Variants in ZCCHC2 observed in about 807,000 individuals in gnomAD.
ZCCHC2 encodes the protein zinc finger CCHC-type containing 2.
In ZCCHC2, 39 loss-of-function variants were observed where a neutral mutation model predicts 103.6. The ratio of observed to expected loss-of-function variants is 0.38; its 90% CI spans 0.29 to 0.49. The LOEUF (loss-of-function observed/expected upper bound fraction) is 0.49, where lower values mean the gene tolerates loss of function less well. ZCCHC2 is among the 20% of genes least tolerant of loss of function. ZCCHC2 has a pLI of 0.96. For synonymous variants in ZCCHC2, 687 were observed against 608.9 expected (o/e 1.13, Z -1.89); for missense variants, 1,483 against 1,491.0 (o/e 0.99, Z 0.09).
chr18:62,546,868 A>G (rs962531549), intron 4 of ZCCHC2, among the ~76,000 whole-genome samples: 1 of 152,230 alleles, frequency 6.6e-6, no homozygotes, highest in Non-Finnish European at 1.5e-5. Context: ...CTGCTTAGCC[A>G]GTATTTGGAT....
At chr18:62,550,817 G>A (rs528437277) in intron 5 of ZCCHC2, among the ~76,000 whole-genome samples, 1 of 152,238 alleles carries the variant, frequency 6.6e-6, no homozygotes, top group African/African-American at 2.4e-5. Context: ...GCCTGGGCTG[G>A]TGGGTGGGAG....
intron 1 of ZCCHC2, among the ~76,000 whole-genome samples, chr18:62,529,236 C>T (rs541553279): frequency 4.6e-5 from 7 of 151,268 alleles, no homozygotes; most frequent in African/African-American, 1.7e-4. Context: ...TAATAAATAC[C>T]TTTATTTAAC....
intron 1 of ZCCHC2, among the ~76,000 whole-genome samples, chr18:62,536,557 C>T (rs1914935029): frequency 1.3e-5 from 2 of 152,122 alleles, no homozygotes. Flanking sequence ...TTTTATGCTA[C>T]CCATCCCCCT....
intron 14 of ZCCHC2, among the ~76,000 whole-genome samples, chr18:62,583,712 T>C (rs1353637625): frequency 6.6e-6 from 1 of 151,476 alleles, no homozygotes. Flanking sequence ...GGAGGGCTCA[T>C]TGATTTCCAG....
intron 1 of ZCCHC2, among the ~76,000 whole-genome samples, chr18:62,528,096 C>T (rs1258482229): frequency 6.6e-6 from 1 of 152,102 alleles, no homozygotes; most frequent in Admixed American, 6.5e-5. Flanking sequence ...GATTGTGTCA[C>T]CAAGATCTTC....
intron 12 of ZCCHC2, among the ~76,000 whole-genome samples, chr18:62,571,114 C>T (rs1916583574): frequency 6.6e-6 from 1 of 152,210 alleles, no homozygotes; most frequent in Non-Finnish European, 1.5e-5. Flanking sequence ...GTAATGCCAC[C>T]TTGGGCGGCT....
rs774364545 is a variant in ZCCHC2, at chr18:62,542,591, A to C, written c.1128+17A>C. 5 of 1,551,476 alleles carry C rather than the reference A, an allele frequency of 3.2e-6. No individual in the cohort carries two copies. Among genetic ancestry groups the C allele is most frequent in the Non-Finnish European group, 3.5e-6 (4 of 1,145,070 alleles). ...ACTTTCAAAGTAAGCCATTTTCCCC[A>C]CAAAAGATACCTCACGTGCTGTGCT... On this transcript the variant is annotated intron_variant, in intron 3 of 13. Transcript: ENST00000269499.
At chr18:62,578,882 C>T (rs546480052), downstream of ZCCHC2, among the ~76,000 whole-genome samples, 251 of 152,310 alleles carry the variant, frequency 1.6e-3, 1 homozygote, top group African/African-American at 5.7e-3. Context: ...ATTCTCCTGC[C>T]TCCGCCTCCT....
rs1400871133 is a variant in ZCCHC2 at position 62,575,477 on chromosome 18, A to T, written c.3396A>T (p.Ser1132=). 6.2e-7 allele frequency: 1 copy of T among 1,613,548 alleles called. No individual in the cohort carries two copies. Residue 1132 remains serine, a synonymous_variant, in exon 13 of 14, where the codon TCA becomes TCT. Transcript: ENST00000269499. The stretch of plus-strand genomic sequence containing the variant: ...GGCCCAAGAAGAATGGGAATGTCTC[A>T]TGTTACAATTGTGGTGTAAGCGGAC... The part of the protein sequence containing the change: ...GSGPKKNGNV[S]CYNCGVSGHY...
At chr18:62,548,847 C>T (rs1915532300) in intron 4 of ZCCHC2, among the ~76,000 whole-genome samples, 1 of 152,142 alleles carries the variant, frequency 6.6e-6, no homozygotes, top group Non-Finnish European at 1.5e-5. Context: ...ATCCCTTGAA[C>T]CCAGAAGGCA....
chr18:62,535,141 C>T (rs143094974), intron 1 of ZCCHC2, among the ~76,000 whole-genome samples: 5 of 152,300 alleles, frequency 3.3e-5, no homozygotes, highest in African/African-American at 1.2e-4. Flanking sequence ...ACAGCGAAGG[C>T]AGAGTCAGAT....
intron 2 of ZCCHC2, 71 bp downstream of exon 2, chr18:62,539,863 T>A (rs1033922053): frequency 2.4e-6 from 3 of 1,256,510 alleles, no homozygotes; most frequent in Non-Finnish European, 3.4e-6. Context: ...TTACGCTGAT[T>A]AACTCTAAAC....
At chr18:62,556,095 C>A in intron 5 of ZCCHC2, 108 bp from the exon 6 acceptor site, 1 of 764,456 alleles carries the variant, frequency 1.3e-6, no homozygotes, top group Non-Finnish European at 2.1e-6. Flanking sequence ...AAATATTTTT[C>A]CATACCTGAA....
At chr18:62,561,842 T>G (rs1186809192) in intron 8 of ZCCHC2, among the ~76,000 whole-genome samples, 1 of 152,254 alleles carries the variant, frequency 6.6e-6, no homozygotes, top group Non-Finnish European at 1.5e-5. Flanking sequence ...TTCCTTTGCA[T>G]GAATTCTTGA....
intron 4 of ZCCHC2, among the ~76,000 whole-genome samples, chr18:62,546,777 C>T (rs757927907): frequency 6.6e-6 from 1 of 152,254 alleles, no homozygotes; most frequent in Non-Finnish European, 1.5e-5. Flanking sequence ...CCCATTTTTT[C>T]GAAAAGCTTA....
Position 62,539,724 on chromosome 18 carries a change from G to A in ZCCHC2, c.983G>A (p.Ser328Asn). The change falls in exon 2 of 14, where the codon AGC becomes AAC. Residue 328 changes from serine to asparagine, a missense_variant. This residue lies in a region of ZCCHC2 where 568 missense variants were observed against 525.1 expected (regional missense o/e 1.08). Coordinates refer to ENST00000269499, the MANE Select transcript of ZCCHC2 (RefSeq NM_017742.6). ...HGDYMQNNES[S>N]LIEQAPIPQD... is the part of the protein sequence containing the mutation. ...GATTACATGCAAAATAACGAGAGCAGCTTAATAGAGCAAGCTCCAATACCT... is the reference window on the plus strand; with the variant it reads ...GATTACATGCAAAATAACGAGAGCAACTTAATAGAGCAAGCTCCAATACCT... 6.2e-7 allele frequency: 1 copy of A among 1,605,766 alleles called. No homozygotes were observed. Among genetic ancestry groups the A allele is most frequent in the Non-Finnish European group, 8.5e-7 (1 of 1,176,080 alleles).
At chr18:62,563,662 A>G (rs948104723) in intron 9 of ZCCHC2, among the ~76,000 whole-genome samples, 4 of 152,236 alleles carry the variant, frequency 2.6e-5, no homozygotes, top group African/African-American at 9.6e-5. Flanking sequence ...GTCTCTAAAA[A>G]ATAAATTTAA....
In ZCCHC2 at chr18:62,523,462, C is replaced by T. The variant is rs1322681716; in HGVS notation, c.38C>T (p.Pro13Leu). ...RMKLPLKPTH[P>L]AEPPPEAEEP... ...AAGCTGCCGCTGAAGCCAACGCACC[C>T]CGCGGAGCCGCCGCCCGAGGCGGAG... Residue 13 changes from proline to leucine, a missense_variant, in exon 1 of 14, where the codon CCC (proline) becomes CTC (leucine). Transcript: ENST00000269499. 2.7e-6 allele frequency: 3 copies of T among 1,097,320 alleles called. No homozygotes were observed. The highest frequency in any genetic ancestry group is 3.4e-6 in the Non-Finnish European group (3 of 889,634). The allele number at this position is 1,097,320 out of a possible 1,614,324, so 68.0% of individuals were successfully genotyped here.
chr18:62,556,239 A>C lies in ZCCHC2; in HGVS notation c.1350A>C (p.Gln450His). Residue 450 changes from glutamine to histidine, a missense_variant, in exon 6 of 14, where the codon CAA (glutamine) becomes CAC (histidine). Physicochemically the swap from Gln to His is conservative, Grantham distance 24. Around this residue, in one of 3 missense-constraint regions of ZCCHC2, gnomAD observed 884 missense variants for 907.5 expected, o/e 0.97. Coordinates refer to ENST00000269499, the MANE Select transcript of ZCCHC2 (RefSeq NM_017742.6). ...CAAGTTCATCACAAGCTTTTCTACAAAGTCAGAAAGTACACAGCTTCTTTC... is the reference window on the plus strand; with the variant it reads ...CAAGTTCATCACAAGCTTTTCTACACAGTCAGAAAGTACACAGCTTCTTTC... Reference protein sequence around the residue: ...LFSSSSQAFLQSQKVHSFFQS... With the variant: ...LFSSSSQAFLHSQKVHSFFQS... 2 of 1,606,084 alleles carry C rather than the reference A, an allele frequency of 1.2e-6. No individual in the cohort carries two copies. Among genetic ancestry groups the C allele is most frequent in the South Asian group, 1.1e-5 (1 of 89,082 alleles).
Sources: allele counts gnomAD v4.1 joint callset (sites outside exome capture counted in the v4.1 genomes callset), GRCh38; gene constraint gnomAD v4.1.1; regional missense constraint gnomAD v4.1.1; transcripts MANE v1.5; gene names NCBI Gene and HGNC (gene_info 2026-07-23, HGNC 2026-07-21).